Variants in PAIP1 observed in about 807,000 individuals in gnomAD.
The protein encoded by PAIP1 is poly(A) binding protein interacting protein 1, also known as polyadenylate-binding protein-interacting protein 1.
In PAIP1, 16 loss-of-function variants were observed where a neutral mutation model predicts 61.3. The observed-to-expected ratio is 0.26, with a 90% confidence interval of 0.18 to 0.40. The LOEUF (loss-of-function observed/expected upper bound fraction) is 0.40. PAIP1 is among the 10% of genes least tolerant of loss of function. PAIP1 has a pLI of 1.00. For synonymous variants in PAIP1, 187 were observed against 226.2 expected (o/e 0.83, Z 1.56); for missense variants, 416 against 600.9 (o/e 0.69, Z 3.22).
intron 9 of PAIP1, among the ~76,000 whole-genome samples, chr5:43,532,339 A>G (rs1746977107): frequency 6.6e-6 from 1 of 152,174 alleles, no homozygotes; most frequent in Non-Finnish European, 1.5e-5. Context: ...TAACAGAAAA[A>G]AAGATTCACA....
At chr5:43,529,250 G>C (rs1046715818) in intron 10 of PAIP1, among the ~76,000 whole-genome samples, 1 of 151,688 alleles carries the variant, frequency 6.6e-6, no homozygotes, top group African/African-American at 2.4e-5. Context: ...AAATACAATA[G>C]AATCTATTTT....
chr5:43,526,275 AAAC>A lies in PAIP1; in HGVS notation c.*1098_*1100del, dbSNP rs1362083600. 2.6e-5 allele frequency: 4 copies of A among 152,632 alleles called. No individual in the cohort carries two copies. The highest frequency in any genetic ancestry group is 7.2e-5 in the African/African-American group (3 of 41,460). 9.5% of individuals were successfully genotyped at this position (152,632 alleles called of 1,614,324 possible). A position where few individuals can be genotyped will look rare whatever the true frequency, so the allele number is the denominator to read the frequency against. The stretch of plus-strand genomic sequence containing the variant: ...AGATGCTACTTCAAAAATTTAGAGG[AAAC>A]AACTATTTAAGCTTTATTTTCAAAG... On this transcript the variant is annotated 3_prime_UTR_variant, in exon 11 of 11. Transcript: ENST00000306846.
intron 3 of PAIP1, among the ~76,000 whole-genome samples, chr5:43,546,094 A>AC (rs1184210744): frequency 6.6e-5 from 10 of 152,094 alleles, no homozygotes; most frequent in African/African-American, 2.4e-4. Flanking sequence ...CTTTTGTAAT[A>AC]CTTCCTCGTT....
intron 4 of PAIP1, 146 bp downstream of exon 4, chr5:43,542,858 A>G (rs1264102658): frequency 2.2e-6 from 1 of 448,936 alleles, no homozygotes; most frequent in African/African-American, 2.0e-5. Context: ...AGACTGGTAT[A>G]CTGAACTATA....
intron 9 of PAIP1, among the ~76,000 whole-genome samples, chr5:43,531,534 G>A (rs533317201): frequency 5.0e-4 from 75 of 149,536 alleles, no homozygotes; most frequent in African/African-American, 1.8e-3. Context: ...GCACAGGCCT[G>A]TAATCCCAGC....
chr5:43,548,900 C>CA (rs1747746292), intron 2 of PAIP1, among the ~76,000 whole-genome samples: 1 of 152,138 alleles, frequency 6.6e-6, no homozygotes. Flanking sequence ...AAAAGTCATA[C>CA]ATGGTCAAAA....
intron 1 of PAIP1, chr5:43,556,303 G>T: frequency 8.0e-7 from 1 of 1,247,324 alleles, no homozygotes; most frequent in East Asian, 3.2e-5. Flanking sequence ...GCTTTAGAGG[G>T]CTGCTGAGGG....
At chr5:43,528,872 G>A (rs1025212674) in intron 10 of PAIP1, among the ~76,000 whole-genome samples, 1 of 152,060 alleles carries the variant, frequency 6.6e-6, no homozygotes, top group African/African-American at 2.4e-5. Context: ...CAATTTCCTG[G>A]TCCTTCTATA....
chr5:43,549,975 C>T (rs1747798318), intron 2 of PAIP1, among the ~76,000 whole-genome samples: 2 of 152,074 alleles, frequency 1.3e-5, no homozygotes, highest in African/African-American at 4.8e-5. Context: ...CCACCCAACT[C>T]GGCCTCCCAA....
chr5:43,541,598 G>T (rs942598598), intron 4 of PAIP1, among the ~76,000 whole-genome samples: 1 of 149,898 alleles, frequency 6.7e-6, no homozygotes, highest in Non-Finnish European at 1.5e-5. Context: ...AATTTTCAAG[G>T]GTCTCTGGGG....
intron 2 of PAIP1, among the ~76,000 whole-genome samples, chr5:43,554,063 G>A (rs1747968151): frequency 6.6e-6 from 1 of 152,216 alleles, no homozygotes; most frequent in Non-Finnish European, 1.5e-5. Flanking sequence ...TTGAGCACAG[G>A]AGGTGCTGAT....
intron 2 of PAIP1, among the ~76,000 whole-genome samples, chr5:43,550,852 A>AAAAAAAAAAAAAAG (rs1747840652): frequency 8.6e-6 from 1 of 116,012 alleles, no homozygotes; most frequent in Non-Finnish European, 1.8e-5. Flanking sequence ...AAAAAAAAAA[A>AAAAAAAAAAAAAAG]AAAAAAAGCA....
At chr5:43,546,674 T>C (rs1747646501) in intron 3 of PAIP1, among the ~76,000 whole-genome samples, 1 of 152,186 alleles carries the variant, frequency 6.6e-6, no homozygotes, top group South Asian at 2.1e-4. Context: ...CCCATTTTTT[T>C]TGACCAGTCT....
At chr5:43,543,500 A>T (rs760996105) in intron 3 of PAIP1, among the ~76,000 whole-genome samples, 1 of 152,156 alleles carries the variant, frequency 6.6e-6, no homozygotes, top group Non-Finnish European at 1.5e-5. Flanking sequence ...AGGAAAGCAC[A>T]GACTTTTTAG....
At chr5:43,548,811 TAAA>T (rs991900382) in intron 2 of PAIP1, among the ~76,000 whole-genome samples, 2 of 152,148 alleles carry the variant, frequency 1.3e-5, no homozygotes, top group Non-Finnish European at 1.5e-5. Flanking sequence ...AAAAGCCACA[TAAA>T]AAAGTTATGA....
At chr5:43,532,801 A>T (rs1162702887) in intron 9 of PAIP1, among the ~76,000 whole-genome samples, 1 of 152,262 alleles carries the variant, frequency 6.6e-6, no homozygotes, top group Non-Finnish European at 1.5e-5. Context: ...ATGAACAAAG[A>T]GTATTAGCAG....
In PAIP1 at chr5:43,556,895, G is replaced by C. The variant is rs947103397; in HGVS notation, c.-49C>G. 2 of 1,346,232 alleles carry C rather than the reference G, an allele frequency of 1.5e-6. No individual in the cohort carries two copies. The highest frequency in any genetic ancestry group is 1.9e-6 in the Non-Finnish European group (2 of 1,052,114). 83.4% of individuals were successfully genotyped at this position (1,346,232 alleles called of 1,614,324 possible). A position where few individuals can be genotyped will look rare whatever the true frequency, so the allele number is the denominator to read the frequency against. On this transcript the variant is annotated 5_prime_UTR_variant, in exon 1 of 11. Coordinates refer to ENST00000306846, the MANE Select transcript of PAIP1 (RefSeq NM_006451.5). ...TCCAGGGGCCGCTGCCGCTGCGCTC[G>C]CGATAGGACGCGGGGGGAAGGCGCC...
In PAIP1 at chr5:43,556,852, T is replaced by C; in HGVS notation, c.-6A>G. The C allele has an allele frequency of 1.4e-6, 2 of 1,425,114 alleles. No homozygotes were observed. The highest frequency in any genetic ancestry group is 2.9e-5 in the South Asian group (2 of 68,472). 88.3% of individuals were successfully genotyped at this position (1,425,114 alleles called of 1,614,324 possible). On this transcript the variant is annotated 5_prime_UTR_variant, in exon 1 of 11. Transcript: ENST00000306846. ...CGATCGAAACCGTCCGACATGCTCC[T>C]CCTCCTCCGCCTCCTCCTCCAGGGG...
At chr5:43,531,330 A>G (rs1746921186) in intron 9 of PAIP1, among the ~76,000 whole-genome samples, 1 of 151,646 alleles carries the variant, frequency 6.6e-6, no homozygotes, top group African/African-American at 2.4e-5. Context: ...AAAAAAATGA[A>G]AAAAGAAAAA....
Sources: gnomAD v4.1 joint callset for allele counts (sites outside exome capture counted in the v4.1 genomes callset) on GRCh38, gnomAD v4.1.1 for gene constraint, MANE v1.5 for transcripts, NCBI Gene and HGNC (gene_info 2026-07-23, HGNC 2026-07-21) for gene names.